Variants in SLC35E4 observed in about 807,000 individuals in gnomAD.
SLC35E4 encodes solute carrier family 35, member E4.
SLC35E4 carries 15 observed loss-of-function variants against 19.3 expected under a neutral mutation model. That is an observed-to-expected ratio of 0.78 (90% confidence interval 0.52 to 1.20). The LOEUF is 1.20. SLC35E4 is among the 50% of genes most tolerant of loss of function. SLC35E4 has a pLI of 0.00. For missense variants in SLC35E4, 406 were observed against 472.3 expected (o/e 0.86, Z 1.30); for synonymous variants, 219 against 219.9 (o/e 1.00, Z 0.04).
downstream of SLC35E4, chr22:30,649,214 G>C (rs145566570): frequency 1.4e-6 from 1 of 717,138 alleles, no homozygotes; most frequent in Non-Finnish European, 2.6e-6. Context: ...GAGAGGGTTC[G>C]AATGAGGAGC....
chr22:30,657,687 G>A (rs867944508), intron 2 of SLC35E4, among the ~76,000 whole-genome samples: 2 of 151,406 alleles, frequency 1.3e-5, no homozygotes, highest in African/African-American at 4.9e-5. Flanking sequence ...GGTGGATCAC[G>A]AGGTCAGGAG....
chr22:30,663,966 C>T (rs140453707), downstream of SLC35E4: 27 of 1,613,932 alleles, frequency 1.7e-5, no homozygotes, highest in African/African-American at 9.3e-5. Flanking sequence ...TGAGGGCTGC[C>T]GGAACTGAAC....
chr22:30,646,465 T>G lies in SLC35E4; in HGVS notation c.620-133T>G, dbSNP rs2088130481. Reference sequence around the variant, plus strand: ...GACTCCAACTCTTGACTGTCATGTTTCAGATCAGGAGCCACTAGCCCTGCC... The same window carrying G: ...GACTCCAACTCTTGACTGTCATGTTGCAGATCAGGAGCCACTAGCCCTGCC... On this transcript the variant is annotated intron_variant, in intron 1 of 1. Coordinates refer to ENST00000343605, the MANE Select transcript of SLC35E4 (RefSeq NM_001001479.4). 3 of 1,049,820 alleles carry G rather than the reference T, an allele frequency of 2.9e-6. No homozygotes were observed. In the South Asian group the frequency reaches 4.7e-5, roughly 16 times the overall value. 65.0% of individuals were successfully genotyped at this position (1,049,820 alleles called of 1,614,324 possible). A position where few individuals can be genotyped will look rare whatever the true frequency, so the allele number is the denominator to read the frequency against.
downstream of SLC35E4, among the ~76,000 whole-genome samples, chr22:30,648,843 CAAA>C (rs113704014): frequency 6.8e-6 from 1 of 146,066 alleles, no homozygotes; most frequent in Non-Finnish European, 1.5e-5. Context: ...CTATCTCTTT[CAAA>C]AAAAAAAAGG....
intron 2 of SLC35E4, among the ~76,000 whole-genome samples, chr22:30,657,293 ACACACACACACAC>A (rs2088358882): frequency 2.7e-5 from 4 of 150,772 alleles, no homozygotes; most frequent in Admixed American, 1.3e-4. Flanking sequence ...ACACACACAC[ACACACACACACAC>A]AAATTAGCCG....
downstream of SLC35E4, chr22:30,664,130 TC>T: frequency 1.2e-6 from 1 of 821,790 alleles, no homozygotes. Flanking sequence ...GAGGGCCAAT[TC>T]CAGGGGATCC....
At position 30,636,402 on chromosome 22, in the gene SLC35E4, G is replaced by C; in HGVS notation, c.-49G>C. 1 of 1,442,368 alleles carries C rather than the reference G, an allele frequency of 6.9e-7. No individual in the cohort carries two copies. The highest frequency in any genetic ancestry group is 9.1e-7 in the Non-Finnish European group (1 of 1,097,534). 89.3% of individuals were successfully genotyped at this position (1,442,368 alleles called of 1,614,324 possible). ...CCAAGCGGAACTCTCTGGTGGCCCA[G>C]AGGTCGTCACTGGGGAGCCCGCCTC... On this transcript the variant is annotated 5_prime_UTR_variant, in exon 1 of 2. Coordinates refer to ENST00000343605, the MANE Select transcript of SLC35E4 (RefSeq NM_001001479.4).
downstream of SLC35E4, among the ~76,000 whole-genome samples, chr22:30,651,387 G>T (rs1219108828): frequency 8.7e-3 from 273 of 31,222 alleles, 14 homozygotes; most frequent in East Asian, 0.095. Flanking sequence ...GTGTGTGTGT[G>T]TGTGTGTGTG....
At chr22:30,657,304 C>CAA (rs1241065701) in intron 2 of SLC35E4, among the ~76,000 whole-genome samples, 2 of 101,300 alleles carry the variant, frequency 2.0e-5, no homozygotes, top group African/African-American at 1.7e-4. Flanking sequence ...CACACACACA[C>CAA]ACAAATTAGC....
chr22:30,659,485 C>T (rs946632496), intron 2 of SLC35E4, among the ~76,000 whole-genome samples: 4 of 151,882 alleles, frequency 2.6e-5, no homozygotes, highest in Non-Finnish European at 5.9e-5. Flanking sequence ...GCGATTCTTC[C>T]GCCTCAGCCT....
At chr22:30,639,718 C>T (rs766145265) in intron 1 of SLC35E4, among the ~76,000 whole-genome samples, 31 of 152,188 alleles carry the variant, frequency 2.0e-4, no homozygotes, top group Non-Finnish European at 3.5e-4. Flanking sequence ...CTGTTCCACC[C>T]GGCTCACCGG....
At chr22:30,642,805 G>A in intron 1 of SLC35E4, among the ~76,000 whole-genome samples, 1 of 151,606 alleles carries the variant, frequency 6.6e-6, no homozygotes, top group Non-Finnish European at 1.5e-5. Flanking sequence ...CAAGGTGGGT[G>A]GATCATGAGG....
rs116018977 is a variant in SLC35E4 at position 30,658,669 on chromosome 22, G to A, written c.*9-3391G>A. On this transcript the variant is annotated intron_variant, in intron 2 of 2. Coordinates refer to the SLC35E4 transcript ENST00000406566. Reference sequence around the variant, plus strand: ...AGCTGGAGAATGTGGACAGGAGAGAGCTTGTGAAATAGATCCCATAAAGTT... The same window carrying A: ...AGCTGGAGAATGTGGACAGGAGAGAACTTGTGAAATAGATCCCATAAAGTT... 3.0e-3 allele frequency among the ~76,000 whole-genome samples: 449 copies of A among 152,182 alleles called. 4 individuals are homozygous for A. The highest frequency in any genetic ancestry group is 0.01 in the African/African-American group (422 of 41,540).
At chr22:30,643,545 G>A (rs543905439) in intron 1 of SLC35E4, among the ~76,000 whole-genome samples, 8 of 152,254 alleles carry the variant, frequency 5.3e-5, no homozygotes, top group South Asian at 2.1e-4. Flanking sequence ...GAAACAGGCC[G>A]TGCCAGGGCA....
chr22:30,663,881 C>T, downstream of SLC35E4: 2 of 1,614,224 alleles, frequency 1.2e-6, no homozygotes, highest in African/African-American at 1.3e-5. Flanking sequence ...GGTTGCTAGA[C>T]AGCATGAGCT....
rs957893883 is a variant in SLC35E4 at position 30,643,237 on chromosome 22, G to A, written c.620-3361G>A. On this transcript the variant is annotated intron_variant, in intron 1 of 1. Transcript: ENST00000343605. The stretch of plus-strand genomic sequence containing the variant: ...CTCAGCTGGACTCCCCCGCCCGTCC[G>A]CATCACAGAGCAGGCGGACTCAACC... Among the ~76,000 whole-genome samples, 27 of 152,266 alleles carry A rather than the reference G, an allele frequency of 1.8e-4. 4 individuals carry two copies. Among genetic ancestry groups the A allele is most frequent in the Admixed American group, 1.4e-3 (22 of 15,300 alleles).
chr22:30,651,823 T>C (rs2088228262), downstream of SLC35E4, among the ~76,000 whole-genome samples: 1 of 152,076 alleles, frequency 6.6e-6, no homozygotes, highest in African/African-American at 2.4e-5. Flanking sequence ...TCTCACAGTT[T>C]CAGTGGATCA....
chr22:30,666,161 GA>G (rs2088650240), downstream of SLC35E4, among the ~76,000 whole-genome samples: 1 of 152,160 alleles, frequency 6.6e-6, no homozygotes, highest in African/African-American at 2.4e-5. Context: ...CTCGTCATCA[GA>G]AAATCCATAG....
exon 3 of SLC35E4, chr22:30,662,167 G>A (rs1291698148): frequency 6.6e-6 from 1 of 152,116 alleles, no homozygotes; most frequent in Non-Finnish European, 1.5e-5. Context: ...GGGTGAAAGA[G>A]TCTATCATTC....
Sources: gnomAD v4.1 joint callset for allele counts (sites outside exome capture counted in the v4.1 genomes callset) on GRCh38, gnomAD v4.1.1 for gene constraint, MANE v1.5 for transcripts, NCBI Gene and HGNC (gene_info 2026-07-23, HGNC 2026-07-21) for gene names.